The following C3orf49 variants were observed in gnomAD, a reference collection of about 807,000 sequenced individuals.
C3orf49 encodes the protein chromosome 3 open reading frame 49.
Under a neutral mutation model 13.3 loss-of-function variants are expected in C3orf49, and 27 were observed. That is an observed-to-expected ratio of 2.02 (90% CI 1.49 to 2.79). C3orf49 has a LOEUF of 2.79. Among genes scored for constraint, C3orf49 ranks in the 30% most tolerant of loss-of-function variants. The pLI is 0.00. For missense variants in C3orf49, 242 were observed against 134.2 expected, an observed-to-expected ratio of 1.80 and a Z score of -3.97; for synonymous variants, 87 against 47.6, an observed-to-expected ratio of 1.83 and a Z score of -3.40.
Position 63,819,371 on chromosome 3 carries a change from C to T in C3orf49, c.-101C>T, listed in dbSNP as rs187346763. The stretch of plus-strand genomic sequence containing the variant: ...CATATTTTATTCCGAATAGCCCACA[C>T]CTTGACAGTACATTCAGTCACTGGA... On this transcript the variant is annotated 5_prime_UTR_variant, in exon 1 of 7. Coordinates refer to ENST00000295896, the MANE Select transcript of C3orf49 (RefSeq NM_001355236.2). 2 of 644,466 alleles carry T rather than the reference C, an allele frequency of 3.1e-6. No individual in the cohort carries two copies. Among genetic ancestry groups the T allele is most frequent in the South Asian group, 1.7e-5 (1 of 57,332 alleles). The allele number at this position is 644,466 out of a possible 1,614,324, so 39.9% of individuals were successfully genotyped here. A position where few individuals can be genotyped will look rare whatever the true frequency, so the allele number is the denominator to read the frequency against.
chr3:63,784,964 C>T, the C3orf49 span: 1 of 151,956 alleles, frequency 6.6e-6, no homozygotes, highest in Non-Finnish European at 1.5e-5. Flanking sequence ...TTCTTTAATG[C>T]TGCAGATCTC....
At chr3:63,833,971 T>C (rs752442373) in intron 5 of C3orf49, 27 of 652,662 alleles carry the variant, frequency 4.1e-5, no homozygotes, top group Non-Finnish European at 6.0e-5. Flanking sequence ...CTGAAGTCAT[T>C]TTCCTTTGTG....
intron 5 of C3orf49, chr3:63,836,391 G>T (rs751415083): frequency 6.2e-7 from 1 of 1,600,582 alleles, no homozygotes; most frequent in East Asian, 2.2e-5. Flanking sequence ...TCAAACTAAG[G>T]ATTTTTTGAA....
At chr3:63,825,535 C>T (rs1346485008) in intron 2 of C3orf49, among the ~76,000 whole-genome samples, 1 of 152,142 alleles carries the variant, frequency 6.6e-6, no homozygotes, top group Non-Finnish European at 1.5e-5. Context: ...CAAATTTCTA[C>T]TCCTAATCTG....
At chr3:63,829,025 C>T (rs927049068) in intron 3 of C3orf49, among the ~76,000 whole-genome samples, 2 of 152,198 alleles carry the variant, frequency 1.3e-5, no homozygotes, top group South Asian at 2.1e-4. Context: ...GGCCAACAAT[C>T]GCACCTAGTT....
At chr3:63,811,477 G>A in the C3orf49 span, among the ~76,000 whole-genome samples, 1 of 151,632 alleles carries the variant, frequency 6.6e-6, no homozygotes, top group African/African-American at 2.4e-5. Flanking sequence ...AGAATGGTGT[G>A]AACTCGGGAG....
At chr3:63,837,349 T>C (rs1701656752) in intron 5 of C3orf49, among the ~76,000 whole-genome samples, 2 of 152,052 alleles carry the variant, frequency 1.3e-5, no homozygotes, top group South Asian at 4.1e-4. Context: ...TTTTTTATTT[T>C]TACTTTTCTT....
At chr3:63,815,947 A>T (rs1288271305), upstream of C3orf49, among the ~76,000 whole-genome samples, 5 of 150,508 alleles carry the variant, frequency 3.3e-5, no homozygotes, top group Non-Finnish European at 7.4e-5. Context: ...CACCATGCCC[A>T]GCTAATTTTT....
At chr3:63,833,993 G>T in intron 5 of C3orf49, 1 of 729,930 alleles carries the variant, frequency 1.4e-6, no homozygotes, top group South Asian at 2.3e-5. Flanking sequence ...GAGGAAATAT[G>T]AATGAAATAC....
At chr3:63,792,107 C>G in the C3orf49 span, among the ~76,000 whole-genome samples, 3 of 152,206 alleles carry the variant, frequency 2.0e-5, no homozygotes, top group African/African-American at 7.2e-5. Context: ...ATTGTTTGGA[C>G]TTTATTGCTT....
At chr3:63,799,067 G>C in the C3orf49 span, among the ~76,000 whole-genome samples, 1 of 152,142 alleles carries the variant, frequency 6.6e-6, no homozygotes. Flanking sequence ...AGAACAACAA[G>C]GAAGCAATTG....
chr3:63,812,591 T>A, the C3orf49 span, among the ~76,000 whole-genome samples: 2 of 152,220 alleles, frequency 1.3e-5, no homozygotes, highest in African/African-American at 4.8e-5. Flanking sequence ...TTTACTTGAT[T>A]TTTTTTGTTG....
intron 5 of C3orf49, chr3:63,839,830 T>C: frequency 7.2e-7 from 1 of 1,385,664 alleles, no homozygotes; most frequent in Non-Finnish European, 1.0e-6. Flanking sequence ...CAAGTACAAA[T>C]AACCAGTATC....
At chr3:63,816,581 A>AAACAAC (rs572357172), upstream of C3orf49, among the ~76,000 whole-genome samples, 10 of 150,976 alleles carry the variant, frequency 6.6e-5, no homozygotes, top group East Asian at 2.0e-4. Flanking sequence ...GATGCTGTTT[A>AAACAAC]AACAACAACA....
intron 5 of C3orf49, among the ~76,000 whole-genome samples, chr3:63,836,702 G>GTAAAA (rs1701641495): frequency 1.3e-5 from 2 of 151,846 alleles, no homozygotes; most frequent in Admixed American, 1.3e-4. Flanking sequence ...TGTCCAAAAA[G>GTAAAA]TAAAATAAAA....
At chr3:63,818,882 C>A (rs944375343), upstream of C3orf49, among the ~76,000 whole-genome samples, 2 of 152,102 alleles carry the variant, frequency 1.3e-5, no homozygotes, top group African/African-American at 2.4e-5. Context: ...TGAAAACCAC[C>A]CTTGGGGTAC....
the C3orf49 span, among the ~76,000 whole-genome samples, chr3:63,808,017 G>C: frequency 1.3e-5 from 2 of 152,060 alleles, no homozygotes; most frequent in African/African-American, 2.4e-5. Flanking sequence ...CTCTGGGGAG[G>C]AAGGAGGAGA....
the C3orf49 span, among the ~76,000 whole-genome samples, chr3:63,797,325 A>C: frequency 6.6e-6 from 1 of 152,120 alleles, no homozygotes; most frequent in Non-Finnish European, 1.5e-5. Context: ...TGAGTCCCAG[A>C]TAATATAAGG....
the C3orf49 span, among the ~76,000 whole-genome samples, chr3:63,799,946 G>A: frequency 1.3e-5 from 2 of 152,120 alleles, no homozygotes; most frequent in Non-Finnish European, 2.9e-5. Flanking sequence ...GTATAGCCAA[G>A]ATTCCTAAGA....
Sources: allele counts gnomAD v4.1 joint callset (sites outside exome capture counted in the v4.1 genomes callset), GRCh38; gene constraint gnomAD v4.1.1; transcripts MANE v1.5; gene names NCBI Gene and HGNC (gene_info 2026-07-23, HGNC 2026-07-21).